RASSF2: variants seen among roughly 807,000 people sequenced by gnomAD.
RASSF2 encodes the protein Ras association domain family member 2, also known as ras association domain-containing protein 2.
In RASSF2, 34 loss-of-function variants were observed where a neutral mutation model predicts 46.3. The observed-to-expected ratio is 0.73, with a 90% CI of 0.56 to 0.98. The LOEUF (loss-of-function observed/expected upper bound fraction) is 0.98, where lower values mean the gene tolerates loss of function less well. RASSF2 is among the 50% of genes least tolerant of loss of function. The pLI, the probability that RASSF2 is intolerant of heterozygous loss-of-function variation, is 0.00. For synonymous variants in RASSF2, 158 were observed against 162.5 expected (o/e 0.97, Z 0.21); for missense variants, 364 against 431.2 (o/e 0.84, Z 1.38).
Position 4,795,884 on chromosome 20 carries a change from T to A in RASSF2, c.218A>T (p.Asp73Val), listed in dbSNP as rs752090949. 1 of 1,609,454 alleles carries A rather than the reference T, an allele frequency of 6.2e-7. No individual in the cohort carries two copies. Among genetic ancestry groups the A allele is most frequent in the Admixed American group, 1.7e-5 (1 of 59,716 alleles). The stretch of plus-strand genomic sequence containing the variant: ...TGGAGGGGGTCGAATGCGTTCGTTG[T>A]CATCCTGCATCTGCAGGCGAATGGG... The part of the protein sequence containing the change: ...RRPIRLQMQD[D>V]NERIRPPPSS... Residue 73 changes from aspartate (D) to valine (V), a missense_variant, in exon 5 of 12, where the codon GAC (aspartate) becomes GTC (valine). Coordinates refer to ENST00000379400, the MANE Select transcript of RASSF2 (RefSeq NM_014737.3). The surrounding 1 kb of genome is among the most constrained non-coding windows in gnomAD (Gnocchi z 4.0).
At chr20:4,804,373 T>G (rs920919996) in intron 2 of RASSF2, among the ~76,000 whole-genome samples, 4 of 150,310 alleles carry the variant, frequency 2.7e-5, no homozygotes, top group African/African-American at 9.7e-5. Context: ...TTTTTTTTTT[T>G]GTCACCCAGG....
intron 2 of RASSF2, among the ~76,000 whole-genome samples, chr20:4,820,391 G>A (rs1326274982): frequency 6.6e-6 from 1 of 152,004 alleles, no homozygotes; most frequent in Non-Finnish European, 1.5e-5. Flanking sequence ...TATGCCTGGG[G>A]TCTCAGCTCC....
intron 2 of RASSF2, among the ~76,000 whole-genome samples, chr20:4,802,369 T>A (rs912672342): frequency 6.6e-6 from 1 of 152,044 alleles, no homozygotes; most frequent in African/African-American, 2.4e-5. Flanking sequence ...CACTACTAAG[T>A]GTCCCCAGGG....
chr20:4,821,795 T>G (rs1928706744), intron 2 of RASSF2, among the ~76,000 whole-genome samples: 1 of 151,192 alleles, frequency 6.6e-6, no homozygotes, highest in African/African-American at 2.4e-5. Flanking sequence ...TCAGCCATCA[T>G]TTGAGGCCCT....
chr20:4,800,579 C>T (rs993815427), intron 3 of RASSF2, among the ~76,000 whole-genome samples: 7 of 152,128 alleles, frequency 4.6e-5, no homozygotes, highest in Non-Finnish European at 8.8e-5. Flanking sequence ...ATCCCAGAGG[C>T]CCCACCTCTT....
At chr20:4,788,146 G>A in intron 9 of RASSF2, 71 bp downstream of exon 9, 1 of 1,344,400 alleles carries the variant, frequency 7.4e-7, no homozygotes, top group Non-Finnish European at 1.1e-6. Context: ...AAAGGAGGCA[G>A]AGGTATTTTT....
intron 2 of RASSF2, among the ~76,000 whole-genome samples, chr20:4,804,055 C>G (rs1265714757): frequency 6.6e-6 from 1 of 151,908 alleles, no homozygotes; most frequent in Non-Finnish European, 1.5e-5. Flanking sequence ...AAGCCCATCT[C>G]AAAATAAATT....
In RASSF2 at chr20:4,792,558, G is replaced by T. The variant is rs1925981646; in HGVS notation, c.357C>A (p.Asp119Glu). The T allele has an allele frequency of 6.2e-7, 1 of 1,614,004 alleles. No homozygotes were observed. Among genetic ancestry groups the T allele is most frequent in the Admixed American group, 1.7e-5 (1 of 60,002 alleles). ...ATGTACCTGTGGAGCTTGGCATCTG[G>T]TCACCCTCCGGCGGGGCATCCACCT... ...ISEVDAPPEG[D>E]QMPSSTDSRG... Residue 119 changes from aspartate (D) to glutamate (E), a missense_variant, in exon 6 of 12, where the codon GAC (aspartate) becomes GAA (glutamate). By Grantham distance (45) the Asp-to-Glu change is conservative (BLOSUM62 2). Transcript: ENST00000379400.
Position 4,796,627 on chromosome 20 carries a change from A to G in RASSF2, c.136-661T>C, listed in dbSNP as rs142704153. 3.1e-4 allele frequency among the ~76,000 whole-genome samples: 47 copies of G among 152,350 alleles called. 1 individual carries two copies. The highest frequency in any genetic ancestry group is 1.1e-3 in the African/African-American group (45 of 41,596). On this transcript the variant is annotated intron_variant, in intron 4 of 11. Coordinates refer to ENST00000379400, the MANE Select transcript of RASSF2 (RefSeq NM_014737.3). ...TGAATAAATCTTGCAGGAGTCCCCAATTTATACTCAAAGGTTGCTGACTAA... is the reference window on the plus strand; with the variant it reads ...TGAATAAATCTTGCAGGAGTCCCCAGTTTATACTCAAAGGTTGCTGACTAA...
chr20:4,804,817 G>A (rs1054866657), intron 2 of RASSF2, among the ~76,000 whole-genome samples: 1 of 152,168 alleles, frequency 6.6e-6, no homozygotes, highest in African/African-American at 2.4e-5. Flanking sequence ...AAGGCACATG[G>A]TGCAGGAGGA....
In RASSF2 at chr20:4,780,465, C is replaced by A. The variant is rs1924698774; in HGVS notation, c.*3808G>T. 1 of 152,228 alleles carries A rather than the reference C, an allele frequency of 6.6e-6. No individual in the cohort carries two copies. Among genetic ancestry groups the A allele is most frequent in the African/African-American group, 2.4e-5 (1 of 41,448 alleles). 9.4% of individuals were successfully genotyped at this position (152,228 alleles called of 1,614,324 possible). On this transcript the variant is annotated 3_prime_UTR_variant, in exon 12 of 12. Transcript: ENST00000379400. Reference sequence around the variant, plus strand: ...TATTACATCTGGAAGAAGGGGGCGCCACATTCATTCTTATTTTTACATCTC... The same window carrying A: ...TATTACATCTGGAAGAAGGGGGCGCAACATTCATTCTTATTTTTACATCTC...
At position 4,795,708 on chromosome 20, in the gene RASSF2, G is replaced by A. The variant is rs1424106645; in HGVS notation, c.287+107C>T. 1 of 1,360,286 alleles carries A rather than the reference G, an allele frequency of 7.4e-7. No homozygotes were observed. Among genetic ancestry groups the A allele is most frequent in the South Asian group, 1.4e-5 (1 of 71,520 alleles). 84.3% of individuals were successfully genotyped at this position (1,360,286 alleles called of 1,614,324 possible). A position where few individuals can be genotyped will look rare whatever the true frequency, so the allele number is the denominator to read the frequency against. ...TGGGCAGTAGAGGTAGTAGGAGGAG[G>A]AGCCAGGGTCAGGGCTGGCTGGAAG... On this transcript the variant is annotated intron_variant, in intron 5 of 11. Coordinates refer to ENST00000379400, the MANE Select transcript of RASSF2 (RefSeq NM_014737.3). This position sits in a 1 kb window ranked among gnomAD's most constrained non-coding sequence, Gnocchi z 4.0.
At chr20:4,800,208 C>G (rs1192282943) in intron 3 of RASSF2, among the ~76,000 whole-genome samples, 1 of 152,160 alleles carries the variant, frequency 6.6e-6, no homozygotes, top group Non-Finnish European at 1.5e-5. Context: ...AAAGCCTGAG[C>G]TCAAGAGACT....
chr20:4,790,400 A>G lies in RASSF2; in HGVS notation c.537+51T>C, dbSNP rs952928924. The G allele has an allele frequency of 4.3e-6, 6 of 1,401,922 alleles. No individual in the cohort carries two copies. Among genetic ancestry groups the G allele is most frequent in the Non-Finnish European group, 4.7e-6 (5 of 1,073,418 alleles). The allele number at this position is 1,401,922 out of a possible 1,614,324, so 86.8% of individuals were successfully genotyped here. ...CATATGGCTGTAGCCCTGAGGTGGC[A>G]TCTACCCAGGAAGAGGTCTTCCACC... On this transcript the variant is annotated intron_variant, in intron 7 of 11. Coordinates refer to ENST00000379400, the MANE Select transcript of RASSF2 (RefSeq NM_014737.3). The surrounding 1 kb of genome is among the most constrained non-coding windows in gnomAD (Gnocchi z 4.3).
At chr20:4,792,860 G>A in intron 5 of RASSF2, 1 of 752,210 alleles carries the variant, frequency 1.3e-6, no homozygotes, top group Non-Finnish European at 2.0e-6. Context: ...GTTCCGGAGG[G>A]AGAAGATGTT....
chr20:4,807,573 C>A (rs1927442564), intron 2 of RASSF2, among the ~76,000 whole-genome samples: 1 of 152,060 alleles, frequency 6.6e-6, no homozygotes, highest in Non-Finnish European at 1.5e-5. Context: ...CCCTCATGAC[C>A]CTACTTTTTA....
chr20:4,796,498 A>G (rs913066879), intron 4 of RASSF2, among the ~76,000 whole-genome samples: 7 of 152,226 alleles, frequency 4.6e-5, no homozygotes, highest in Admixed American at 6.5e-5. Flanking sequence ...AAGGGTGTCA[A>G]GTGATCATGA....
chr20:4,816,019 A>T (rs776343992), intron 2 of RASSF2, among the ~76,000 whole-genome samples: 1 of 152,236 alleles, frequency 6.6e-6, no homozygotes, highest in Non-Finnish European at 1.5e-5. Context: ...TTTTAAATAT[A>T]GGTCAGGTTC....
chr20:4,809,326 CT>C (rs552412231), intron 2 of RASSF2, among the ~76,000 whole-genome samples: 8 of 152,102 alleles, frequency 5.3e-5, no homozygotes, highest in Non-Finnish European at 1.0e-4. Context: ...CTTTCGGAGC[CT>C]ACTTTTTATG....
Sources: gnomAD v4.1 joint callset for allele counts (sites outside exome capture counted in the v4.1 genomes callset) on GRCh38, gnomAD v4.1.1 for gene constraint, Gnocchi (gnomAD v3.1) non-coding constraint, MANE v1.5 for transcripts, NCBI Gene and HGNC (gene_info 2026-07-23, HGNC 2026-07-21) for gene names.